ADAP1: variants seen among roughly 807,000 people sequenced by gnomAD.
ADAP1 encodes the protein ArfGAP with dual PH domains 1, also known as arf-GAP with dual PH domain-containing protein 1.
A neutral mutation model predicts 54.9 loss-of-function variants in ADAP1; 31 were observed. The ratio of observed to expected loss-of-function variants is 0.56; its 90% CI spans 0.42 to 0.76. The LOEUF (loss-of-function observed/expected upper bound fraction) is 0.76, where lower values mean the gene tolerates loss of function less well. Among genes scored for constraint, ADAP1 ranks in the 30% least tolerant of loss-of-function variants. The pLI is 0.00. For missense variants in ADAP1, 535 were observed against 512.4 expected, an observed-to-expected ratio of 1.04 and a Z score of -0.42; for synonymous variants, 313 against 202.6, an observed-to-expected ratio of 1.55 and a Z score of -4.63.
At chr7:911,591 G>A (rs1017309312) in intron 4 of ADAP1, among the ~76,000 whole-genome samples, 1 of 139,812 alleles carries the variant, frequency 7.2e-6, no homozygotes, top group Non-Finnish European at 1.6e-5. Flanking sequence ...CGGAGGGCCA[G>A]GAAGGGGGCG....
intron 6 of ADAP1, chr7:900,945 C>G (rs1395378197): frequency 7.2e-6 from 4 of 554,026 alleles, no homozygotes; most frequent in Non-Finnish European, 1.1e-5. Context: ...CTCTGTGGCC[C>G]TGGTGCTGCT....
intron 4 of ADAP1, among the ~76,000 whole-genome samples, chr7:906,666 AG>A (rs1284004253): frequency 2.0e-5 from 2 of 100,226 alleles, no homozygotes; most frequent in South Asian, 3.6e-4. Flanking sequence ...GGGGCGGGAA[AG>A]GGGACATGGA....
At chr7:944,000 C>T (rs1170741234) in intron 1 of ADAP1, among the ~76,000 whole-genome samples, 1 of 151,778 alleles carries the variant, frequency 6.6e-6, no homozygotes, top group Non-Finnish European at 1.5e-5. Context: ...ACTGCAGCCT[C>T]GACCTCCTGG....
chr7:904,725 T>G (rs1328107098), intron 5 of ADAP1, among the ~76,000 whole-genome samples: 1 of 152,200 alleles, frequency 6.6e-6, no homozygotes, highest in Admixed American at 6.5e-5. Context: ...CTCCCCAGGG[T>G]ACCTCCAGGA....
rs371365557 is a variant in ADAP1, at chr7:912,889, C to A, written c.388+7079G>T. 4.6e-3 allele frequency among the ~76,000 whole-genome samples: 696 copies of A among 152,296 alleles called. 3 individuals are homozygous for A. The highest frequency in any genetic ancestry group is 0.041 in the Middle Eastern group (12 of 294). On this transcript the variant is annotated intron_variant, in intron 4 of 10. Transcript: ENST00000265846. ...GTTTTAAGACAAGGTCTCTCTGTGG[C>A]CCACACTGGAGTGCAGTGGTGCAAT...
In ADAP1 at chr7:901,149, G is replaced by C. The variant is rs1473092361; in HGVS notation, c.649-533C>G. On this transcript the variant is annotated intron_variant, in intron 6 of 10. Coordinates refer to ENST00000265846, the MANE Select transcript of ADAP1 (RefSeq NM_006869.4). ...TCCAGGGAGCCGCCCTGGTCCTCTG[G>C]AGAGCGTGGGGTGGGCCAGCACCCT... 7.3e-6 allele frequency: 3 copies of C among 408,284 alleles called. No individual in the cohort carries two copies. The Admixed American group carries it at 8.2e-5, about 11-fold the overall frequency. 25.3% of individuals were successfully genotyped at this position (408,284 alleles called of 1,614,324 possible). A position where few individuals can be genotyped will look rare whatever the true frequency, so the allele number is the denominator to read the frequency against.
At chr7:947,037 G>GT (rs996880081) in intron 1 of ADAP1, among the ~76,000 whole-genome samples, 21 of 151,372 alleles carry the variant, frequency 1.4e-4, no homozygotes, top group African/African-American at 3.4e-4. Flanking sequence ...TTGGGGTTTT[G>GT]TTTTTTTTCA....
chr7:954,491 C>A lies in ADAP1; in HGVS notation c.-14G>T. On this transcript the variant is annotated 5_prime_UTR_variant, in exon 1 of 11. Coordinates refer to ENST00000265846, the MANE Select transcript of ADAP1 (RefSeq NM_006869.4). Reference sequence around the variant, plus strand: ...CTCCTTGGCCATGGCCGCGATGCGCCCGCGATGCCGATGCCGGGGCCGGGG... The same window carrying A: ...CTCCTTGGCCATGGCCGCGATGCGCACGCGATGCCGATGCCGGGGCCGGGG... The A allele has an allele frequency of 9.8e-7, 1 of 1,019,882 alleles. No homozygotes were observed. The allele number at this position is 1,019,882 out of a possible 1,614,324, so 63.2% of individuals were successfully genotyped here.
At chr7:918,811 A>AG (rs553071782) in intron 4 of ADAP1, among the ~76,000 whole-genome samples, 2 of 152,322 alleles carry the variant, frequency 1.3e-5, no homozygotes, top group African/African-American at 4.8e-5. Context: ...ACAGTACCCG[A>AG]GCCCACCTCC....
chr7:947,719 C>T (rs372714214), intron 1 of ADAP1, among the ~76,000 whole-genome samples: 1 of 152,160 alleles, frequency 6.6e-6, no homozygotes, highest in South Asian at 2.1e-4. Context: ...ACTGCAGCAG[C>T]GTCCCACCCA....
intron 3 of ADAP1, among the ~76,000 whole-genome samples, chr7:921,416 C>T (rs1846187126): frequency 6.6e-6 from 1 of 152,262 alleles, no homozygotes; most frequent in Non-Finnish European, 1.5e-5. Flanking sequence ...CCAACACCTG[C>T]ACTCAAGGAT....
At chr7:947,465 C>T (rs1021968017) in intron 1 of ADAP1, among the ~76,000 whole-genome samples, 1 of 152,036 alleles carries the variant, frequency 6.6e-6, no homozygotes, top group Admixed American at 6.5e-5. Flanking sequence ...GTCCCCTTGG[C>T]GGCCACCGTG....
intron 1 of ADAP1, among the ~76,000 whole-genome samples, chr7:939,664 C>T (rs1419495230): frequency 2.6e-5 from 4 of 151,804 alleles, no homozygotes; most frequent in Admixed American, 6.6e-5. Flanking sequence ...AACCCCGTCT[C>T]TACTAAAAAT....
At position 899,199 on chromosome 7, in the gene ADAP1, A is replaced by T. The variant is rs1320368261; in HGVS notation, c.930T>A (p.His310Gln). 1 of 1,612,530 alleles carries T rather than the reference A, an allele frequency of 6.2e-7. No individual in the cohort carries two copies. Among genetic ancestry groups the T allele is most frequent in the African/African-American group, 1.3e-5 (1 of 74,944 alleles). Residue 310 changes from histidine to glutamine, a missense_variant, in exon 10 of 11, where the codon CAT becomes CAA. Transcript: ENST00000265846. ...GGCCCTGGGTGGACGGCGGGAACCC[A>T]TGCAGCACCGTGTAGCCACTCTCCT... is the stretch of plus-strand genomic sequence containing the variant. ...GSKESGYTVL[H>Q]GFPPSTQGHH...
chr7:935,264 G>A (rs1583178286), intron 2 of ADAP1, 111 bp downstream of exon 2: 2 of 1,428,706 alleles, frequency 1.4e-6, no homozygotes, highest in African/African-American at 1.4e-5. Flanking sequence ...CCCCAGAGTA[G>A]CCCAAGGCTC....
At position 926,040 on chromosome 7, in the gene ADAP1, G is replaced by A. The variant is rs981193418; in HGVS notation, c.305+513C>T. 6.6e-6 allele frequency among the ~76,000 whole-genome samples: 1 copy of A among 152,116 alleles called. No individual in the cohort carries two copies. Among genetic ancestry groups the A allele is most frequent in the Admixed American group, 6.5e-5 (1 of 15,278 alleles). On this transcript the variant is annotated intron_variant, in intron 3 of 10. Transcript: ENST00000265846. The surrounding 1 kb of genome is among the most constrained non-coding windows in gnomAD (Gnocchi z 4.6). ...AGATGGGGAGACTGAGGCTTGGAGG[G>A]GCGGGTGTTGGTGAAGGCGGCTGAT...
chr7:904,963 G>A (rs1392093376), intron 5 of ADAP1, 97 bp downstream of exon 5: 4 of 1,044,142 alleles, frequency 3.8e-6, no homozygotes, highest in Non-Finnish European at 5.8e-6. Context: ...AGCAGGGAGG[G>A]CAGCTGCGGA....
At chr7:905,001 T>G (rs1845032488) in intron 5 of ADAP1, 59 bp downstream of exon 5, 1 of 1,482,378 alleles carries the variant, frequency 6.7e-7, no homozygotes, top group East Asian at 2.3e-5. Context: ...GGCCCCAGTG[T>G]GGGAGGCCGG....
intron 6 of ADAP1, among the ~76,000 whole-genome samples, chr7:902,599 A>G (rs1844876873): frequency 6.6e-6 from 1 of 151,828 alleles, no homozygotes; most frequent in Non-Finnish European, 1.5e-5. Flanking sequence ...ATTTCCCAGA[A>G]AGTAGAAGAA....
Sources: gnomAD v4.1 joint callset for allele counts (sites outside exome capture counted in the v4.1 genomes callset) on GRCh38, gnomAD v4.1.1 for gene constraint, Gnocchi (gnomAD v3.1) non-coding constraint, MANE v1.5 for transcripts, NCBI Gene and HGNC (gene_info 2026-07-23, HGNC 2026-07-21) for gene names.